The following ESR1 variants were observed in gnomAD, a reference collection of about 807,000 sequenced individuals.
ESR1 encodes estrogen receptor 1, also known as estrogen receptor.
In ESR1, 12 loss-of-function variants were observed where a neutral mutation model predicts 52.7. The ratio of observed to expected loss-of-function variants is 0.23; its 90% confidence interval spans 0.15 to 0.37. The LOEUF (loss-of-function observed/expected upper bound fraction) is 0.37. Ranked by LOEUF, ESR1 falls within the 10% of genes least tolerant of loss-of-function variation. ESR1 has a pLI of 1.00. For missense variants in ESR1, 584 were observed against 779.7 expected (o/e 0.75, Z 2.99); for synonymous variants, 305 against 316.8 (o/e 0.96, Z 0.39).
intron 1 of ESR1, among the ~76,000 whole-genome samples, chr6:151,841,182 C>T (rs9322331): frequency 0.25 from 38,475 of 152,078 alleles, 5,489 homozygotes; most frequent in Middle Eastern, 0.38. Flanking sequence ...TTCTCCTGGC[C>T]CATGCCCTTC....
chr6:151,852,564 T>C (rs1786966773), intron 2 of ESR1, among the ~76,000 whole-genome samples: 2 of 151,614 alleles, frequency 1.3e-5, no homozygotes, highest in South Asian at 4.2e-4. Flanking sequence ...TACCAGCACA[T>C]TAAGCTGTAC....
intron 3 of ESR1, among the ~76,000 whole-genome samples, chr6:151,939,579 G>A (rs957293624): frequency 1.6e-4 from 24 of 152,004 alleles, no homozygotes; most frequent in African/African-American, 5.8e-4. Context: ...AATTGAAATA[G>A]AAGTCGCATC....
chr6:151,730,463 A>G (rs1387759970), intron 2 of ESR1, among the ~76,000 whole-genome samples: 2 of 152,000 alleles, frequency 1.3e-5, no homozygotes, highest in African/African-American at 2.4e-5. Context: ...TGCTTCTCAG[A>G]GGGTCTTGAG....
chr6:152,048,205 T>C (rs577343181), intron 5 of ESR1, among the ~76,000 whole-genome samples: 2 of 151,440 alleles, frequency 1.3e-5, no homozygotes, highest in South Asian at 2.1e-4. Context: ...CCCGTCTCTA[T>C]TAAAAATACA....
At chr6:151,743,574 A>G (rs531153654) in intron 2 of ESR1, among the ~76,000 whole-genome samples, 53 of 152,162 alleles carry the variant, frequency 3.5e-4, no homozygotes, top group African/African-American at 1.2e-3. Flanking sequence ...ATCACATTTT[A>G]TTTTCAGGTT....
At chr6:151,731,547 C>T (rs951899911) in intron 2 of ESR1, among the ~76,000 whole-genome samples, 29 of 152,082 alleles carry the variant, frequency 1.9e-4, no homozygotes, top group African/African-American at 6.8e-4. Context: ...TTCTCGCTGC[C>T]TCGTGCCAGG....
chr6:151,937,388 T>C lies in ESR1; in HGVS notation c.761-6785T>C, dbSNP rs140856746. Among the ~76,000 whole-genome samples, 965 of 152,160 alleles carry C rather than the reference T, an allele frequency of 6.3e-3. 41 individuals are homozygous for C. Among genetic ancestry groups the C allele is most frequent in the Non-Finnish European group, 1.6e-3 (107 of 68,006 alleles). ...TTCCTGCTGACGGCTAAGGCAGTCATTGAGTGATTGGAAAGAAGACGGAAG... is the reference window on the plus strand; with the variant it reads ...TTCCTGCTGACGGCTAAGGCAGTCACTGAGTGATTGGAAAGAAGACGGAAG... On this transcript the variant is annotated intron_variant, in intron 3 of 7. Transcript: ENST00000206249.
chr6:152,094,060 T>A lies in ESR1; in HGVS notation c.1370-325T>A, dbSNP rs1397107997. On this transcript the variant is annotated intron_variant, in intron 6 of 7. Coordinates refer to ENST00000206249, the MANE Select transcript of ESR1 (RefSeq NM_000125.4). This position sits in a 1 kb window ranked among gnomAD's most constrained non-coding sequence, Gnocchi z 4.6. ...TTGTCAGTTACATGGTCAATTACAT[T>A]ACATGGACAATTCATGATGGTGTCA... Among the ~76,000 whole-genome samples, 1 of 152,154 alleles carries A rather than the reference T, an allele frequency of 6.6e-6. No homozygotes were observed. The highest frequency in any genetic ancestry group is 1.5e-5 in the Non-Finnish European group (1 of 68,028).
At chr6:151,789,378 A>G (rs2128130109) in intron 2 of ESR1, among the ~76,000 whole-genome samples, 1 of 152,340 alleles carries the variant, frequency 6.6e-6, no homozygotes, top group South Asian at 2.1e-4. Context: ...ACAATAGCAC[A>G]CTATGTATTT....
chr6:151,999,939 A>G (rs1201250421), intron 4 of ESR1, among the ~76,000 whole-genome samples: 1 of 151,880 alleles, frequency 6.6e-6, no homozygotes, highest in Non-Finnish European at 1.5e-5. Flanking sequence ...ATATTTAAGA[A>G]CTCTCTTATG....
In ESR1 at chr6:151,733,585, C is replaced by T. The variant is rs565808952; in HGVS notation, c.-71+31580C>T. ...AGATTTAATTCTCACAACAATCTTA[C>T]GAAATTTGTGTTGTCCCCAGTTTAT... On this transcript the variant is annotated intron_variant, in intron 2 of 2. Coordinates refer to the ESR1 transcript ENST00000404742. Among the ~76,000 whole-genome samples the T allele has an allele frequency of 1.2e-4, 19 of 152,248 alleles. 1 individual carries two copies. The highest frequency in any genetic ancestry group is 3.4e-3 in the Middle Eastern group (1 of 294).
chr6:151,850,969 T>C (rs974181622), intron 2 of ESR1, among the ~76,000 whole-genome samples: 7 of 152,320 alleles, frequency 4.6e-5, no homozygotes, highest in Admixed American at 2.0e-4. Flanking sequence ...ATTCTGCACA[T>C]TGCCACTCTA....
intron 6 of ESR1, among the ~76,000 whole-genome samples, chr6:152,086,318 C>A: frequency 6.6e-6 from 1 of 151,222 alleles, no homozygotes; most frequent in African/African-American, 2.4e-5. Flanking sequence ...GGCTTTGTCC[C>A]AAAAGCTATT....
chr6:151,696,613 G>A (rs1231418204), intron 1 of ESR1, among the ~76,000 whole-genome samples: 1 of 152,144 alleles, frequency 6.6e-6, no homozygotes, highest in Non-Finnish European at 1.5e-5. Flanking sequence ...GCACATAATT[G>A]TAGAGTGAGA....
intron 2 of ESR1, among the ~76,000 whole-genome samples, chr6:151,706,107 AC>A (rs1388558555): frequency 3.3e-5 from 5 of 152,226 alleles, no homozygotes; most frequent in African/African-American, 1.2e-4. Flanking sequence ...AGAAAGCCAG[AC>A]ACCAGCAGCT....
intron 1 of ESR1, among the ~76,000 whole-genome samples, chr6:151,832,688 G>T (rs904846025): frequency 6.6e-6 from 1 of 152,098 alleles, no homozygotes; most frequent in Non-Finnish European, 1.5e-5. Flanking sequence ...AATTTATTCG[G>T]TAAGTATTTA....
At chr6:151,964,703 G>A (rs1289078837) in intron 4 of ESR1, among the ~76,000 whole-genome samples, 1 of 150,698 alleles carries the variant, frequency 6.6e-6, no homozygotes, top group Non-Finnish European at 1.5e-5. Context: ...GTGCAGTGGT[G>A]CGATCTCCAC....
Position 152,100,297 on chromosome 6 carries a change from C to T in ESR1, c.*1331C>T, listed in dbSNP as rs2050918465. On this transcript the variant is annotated 3_prime_UTR_variant, in exon 8 of 8. Transcript: ENST00000206249. ...TGGGGCACGGGAGAAGGGTGGGGACCGTTGCTGTCACTACTCAGGCTGACT... is the reference window on the plus strand; with the variant it reads ...TGGGGCACGGGAGAAGGGTGGGGACTGTTGCTGTCACTACTCAGGCTGACT... The T allele has an allele frequency of 5.1e-6, 2 of 389,704 alleles. No individual in the cohort carries two copies. Among genetic ancestry groups the T allele is most frequent in the South Asian group, 1.4e-4 (1 of 6,938 alleles). 24.1% of individuals were successfully genotyped at this position (389,704 alleles called of 1,614,324 possible).
At chr6:151,999,563 C>A (rs1197321474) in intron 4 of ESR1, among the ~76,000 whole-genome samples, 5 of 152,108 alleles carry the variant, frequency 3.3e-5, no homozygotes, top group Non-Finnish European at 5.9e-5. Flanking sequence ...ACAAGAAAAG[C>A]AGGAGATGGG....
Sources: gnomAD v4.1 joint callset for allele counts (sites outside exome capture counted in the v4.1 genomes callset) on GRCh38, gnomAD v4.1.1 for gene constraint, Gnocchi (gnomAD v3.1) non-coding constraint, MANE v1.5 for transcripts, NCBI Gene and HGNC (gene_info 2026-07-23, HGNC 2026-07-21) for gene names.